The following ATRNL1 variants were observed in gnomAD, a reference collection of about 807,000 sequenced individuals.
ATRNL1 encodes the protein attractin like 1.
ATRNL1 carries 95 observed loss-of-function variants against 182.7 expected under a neutral mutation model. The ratio of observed to expected loss-of-function variants is 0.52; its 90% CI spans 0.44 to 0.62. ATRNL1 has a LOEUF of 0.62. Among genes scored for constraint, ATRNL1 ranks in the 20% least tolerant of loss-of-function variants. The probability of loss-of-function intolerance (pLI) is 0.00; values close to 1 mark genes in which losing one functional copy is unlikely to be tolerated. For missense variants in ATRNL1, 1,471 were observed against 1,679.5 expected (o/e 0.88, Z 2.17); for synonymous variants, 576 against 568.3 (o/e 1.01, Z -0.19).
chr10:115,539,593 C>T (rs1852234983), intron 25 of ATRNL1, among the ~76,000 whole-genome samples: 1 of 152,256 alleles, frequency 6.6e-6, no homozygotes, highest in African/African-American at 2.4e-5. Context: ...CTAGTTCTGG[C>T]CCATGATGTG....
chr10:115,233,731 G>GT (rs1472128194), intron 9 of ATRNL1, among the ~76,000 whole-genome samples: 2 of 151,944 alleles, frequency 1.3e-5, no homozygotes, highest in African/African-American at 2.4e-5. Context: ...TGGATGCTTG[G>GT]TTTTGCCAAA....
chr10:115,670,402 A>G (rs1945658307), intron 26 of ATRNL1, among the ~76,000 whole-genome samples: 1 of 152,130 alleles, frequency 6.6e-6, no homozygotes, highest in South Asian at 2.1e-4. Flanking sequence ...AAAAGAATGC[A>G]ATGGATCCTT....
intron 5 of ATRNL1, among the ~76,000 whole-genome samples, chr10:115,133,674 A>G (rs1351885699): frequency 6.6e-6 from 1 of 152,152 alleles, no homozygotes; most frequent in Non-Finnish European, 1.5e-5. Flanking sequence ...CAGGAATTGA[A>G]CTCAGCTCTG....
chr10:115,173,849 A>T (rs1319351964), intron 8 of ATRNL1, among the ~76,000 whole-genome samples: 8 of 137,996 alleles, frequency 5.8e-5, no homozygotes, highest in South Asian at 2.1e-4. Flanking sequence ...GAATCACTTT[A>T]AAAAAAATGT....
intron 28 of ATRNL1, among the ~76,000 whole-genome samples, chr10:115,921,916 A>G (rs956604545): frequency 2.0e-5 from 3 of 152,222 alleles, no homozygotes; most frequent in Non-Finnish European, 4.4e-5. Flanking sequence ...TTAACCAAAA[A>G]TAATTGTATT....
Position 115,730,253 on chromosome 10 carries a change from CAAAAAAAAAAAAAA to C in ATRNL1, c.3903+2914_3903+2927del, listed in dbSNP as rs535690432. Among the ~76,000 whole-genome samples, 8 of 61,420 alleles carry C rather than the reference CAAAAAAAAAAAAAA, an allele frequency of 1.3e-4. 1 individual carries two copies. The highest frequency in any genetic ancestry group is 1.9e-4 in the African/African-American group (3 of 15,678). The allele number at this position is 61,420 out of a possible 152,430, so 40.3% of individuals were successfully genotyped here. A position where few individuals can be genotyped will look rare whatever the true frequency, so the allele number is the denominator to read the frequency against. ...GCCTGGGCAACAGAGTAGGACTCCTCAAAAAAAAAAAAAAAAAAAAAAAAAAAAAGAGAGAGAGA... is the reference window on the plus strand; with the variant it reads ...GCCTGGGCAACAGAGTAGGACTCCTCAAAAAAAAAAAAAAAGAGAGAGAGA... On this transcript the variant is annotated intron_variant, in intron 27 of 28. Coordinates refer to ENST00000355044, the MANE Select transcript of ATRNL1 (RefSeq NM_207303.4).
At chr10:115,507,826 G>T (rs1215064939) in intron 24 of ATRNL1, among the ~76,000 whole-genome samples, 1 of 152,012 alleles carries the variant, frequency 6.6e-6, no homozygotes, top group Non-Finnish European at 1.5e-5. Flanking sequence ...GGTAGGCAAT[G>T]ATTCTAGAAT....
chr10:115,446,804 A>T (rs569792798), intron 21 of ATRNL1, among the ~76,000 whole-genome samples: 180 of 151,962 alleles, frequency 1.2e-3, no homozygotes, highest in African/African-American at 4.1e-3. Flanking sequence ...TATTTTACCT[A>T]TTTTTATAAA....
intron 24 of ATRNL1, among the ~76,000 whole-genome samples, chr10:115,488,159 T>A (rs1849116937): frequency 6.6e-6 from 1 of 152,190 alleles, no homozygotes; most frequent in Admixed American, 6.6e-5. Flanking sequence ...TCGATGTTCA[T>A]CAGGGATATT....
chr10:115,281,582 A>G, intron 14 of ATRNL1, 95 bp downstream of exon 14: 2 of 1,256,648 alleles, frequency 1.6e-6, no homozygotes, highest in South Asian at 3.0e-5. Flanking sequence ...ATTTTCTAAA[A>G]TTAAAGTCAT....
At chr10:115,805,856 T>G (rs1487556781) in intron 27 of ATRNL1, among the ~76,000 whole-genome samples, 1 of 152,128 alleles carries the variant, frequency 6.6e-6, no homozygotes, top group African/African-American at 2.4e-5. Context: ...ATTTTTGCAT[T>G]CAGAAATTAC....
At chr10:115,442,014 G>C (rs1203747999) in intron 21 of ATRNL1, among the ~76,000 whole-genome samples, 1 of 151,888 alleles carries the variant, frequency 6.6e-6, no homozygotes, top group Non-Finnish European at 1.5e-5. Context: ...GTCCTTTTTA[G>C]AAGCTTCCTT....
At chr10:115,570,966 C>T (rs1343815054) in intron 26 of ATRNL1, among the ~76,000 whole-genome samples, 6 of 152,164 alleles carry the variant, frequency 3.9e-5, no homozygotes, top group Non-Finnish European at 8.8e-5. Flanking sequence ...ATAATTTGAG[C>T]AGAGCTCAGC....
intron 17 of ATRNL1, among the ~76,000 whole-genome samples, chr10:115,304,176 A>AT (rs1853616495): frequency 6.6e-6 from 1 of 152,200 alleles, no homozygotes; most frequent in Non-Finnish European, 1.5e-5. Flanking sequence ...TATAACGTTC[A>AT]TAAGTATCTT....
At chr10:115,452,265 T>C (rs1071575) in intron 21 of ATRNL1, among the ~76,000 whole-genome samples, 9 of 151,920 alleles carry the variant, frequency 5.9e-5, no homozygotes, top group Admixed American at 4.6e-4. Flanking sequence ...TTTTTTAAAA[T>C]CAATATTTAT....
chr10:115,594,002 AT>A (rs1856074616), intron 26 of ATRNL1, among the ~76,000 whole-genome samples: 1 of 152,046 alleles, frequency 6.6e-6, no homozygotes, highest in Non-Finnish European at 1.5e-5. Context: ...TCTAAAACAT[AT>A]TATTAGGTCA....
At chr10:115,218,195 G>T (rs1378557802) in intron 9 of ATRNL1, among the ~76,000 whole-genome samples, 2 of 151,662 alleles carry the variant, frequency 1.3e-5, no homozygotes, top group East Asian at 3.9e-4. Context: ...CATTCTGGGG[G>T]TGATGGGAGA....
chr10:115,392,302 GT>G (rs560533515), intron 19 of ATRNL1, among the ~76,000 whole-genome samples: 248 of 151,984 alleles, frequency 1.6e-3, no homozygotes, highest in South Asian at 3.3e-3. Context: ...AAATACAGTA[GT>G]TTTCTCTGTC....
intron 28 of ATRNL1, among the ~76,000 whole-genome samples, chr10:115,864,465 T>G (rs536042866): frequency 4.3e-4 from 65 of 152,332 alleles, no homozygotes; most frequent in African/African-American, 1.5e-3. Flanking sequence ...ACAACACATT[T>G]GTATAGTCAG....
Sources: gnomAD v4.1 joint callset for allele counts (sites outside exome capture counted in the v4.1 genomes callset) on GRCh38, gnomAD v4.1.1 for gene constraint, MANE v1.5 for transcripts, NCBI Gene and HGNC (gene_info 2026-07-23, HGNC 2026-07-21) for gene names.